KCNQ3: variants seen among roughly 807,000 people sequenced by gnomAD.
KCNQ3 encodes the protein potassium voltage-gated channel subfamily Q member 3, also known as potassium voltage-gated channel subfamily KQT member 3.
Under a neutral mutation model 92.5 loss-of-function variants are expected in KCNQ3, and 30 were observed. That is an observed-to-expected ratio of 0.32 (90% CI 0.24 to 0.44). The LOEUF is 0.44. Among genes scored for constraint, KCNQ3 ranks in the 20% least tolerant of loss-of-function variants. KCNQ3 has a pLI of 1.00. For missense variants in KCNQ3, 913 were observed against 1,140.3 expected, an observed-to-expected ratio of 0.80 and a Z score of 2.87; for synonymous variants, 450 against 468.8, an observed-to-expected ratio of 0.96 and a Z score of 0.52.
At position 132,413,420 on chromosome 8, in the gene KCNQ3, C is replaced by T. The variant is rs758456016; in HGVS notation, c.386+66727G>A. 3.4e-4 allele frequency among the ~76,000 whole-genome samples: 51 copies of T among 152,212 alleles called. 1 individual carries two copies. The highest frequency in any genetic ancestry group is 2.6e-4 in the Non-Finnish European group (18 of 68,032). On this transcript the variant is annotated intron_variant, in intron 1 of 14. Coordinates refer to ENST00000388996, the MANE Select transcript of KCNQ3 (RefSeq NM_004519.4). The stretch of plus-strand genomic sequence containing the variant: ...GGAAGCCTTCCCTGACTGCCTCAGG[C>T]TGGGTTAAGTCGCCTTTCAGTCAGC...
At chr8:132,465,484 T>C (rs1391223558) in intron 1 of KCNQ3, among the ~76,000 whole-genome samples, 1 of 149,880 alleles carries the variant, frequency 6.7e-6, no homozygotes, top group Non-Finnish European at 1.5e-5. Flanking sequence ...CCCAGCACTT[T>C]CGGAGGCGGA....
At chr8:132,331,568 C>T (rs984248674) in intron 1 of KCNQ3, among the ~76,000 whole-genome samples, 1 of 152,136 alleles carries the variant, frequency 6.6e-6, no homozygotes, top group African/African-American at 2.4e-5. Context: ...CTCCCTGTCC[C>T]CTCCCCTCTT....
Position 132,275,318 on chromosome 8 carries a change from T to C in KCNQ3, c.387-89137A>G, listed in dbSNP as rs557886511. ...ACACATTATAAATGTGAATGAATAA[T>C]TGCTATTATTTAAAGATTATTTACA... On this transcript the variant is annotated intron_variant, in intron 1 of 14. Coordinates refer to ENST00000388996, the MANE Select transcript of KCNQ3 (RefSeq NM_004519.4). 7.2e-5 allele frequency among the ~76,000 whole-genome samples: 11 copies of C among 152,316 alleles called. No individual in the cohort carries two copies. In the East Asian group the frequency reaches 9.7e-4, roughly 13 times the overall value.
intron 1 of KCNQ3, among the ~76,000 whole-genome samples, chr8:132,191,215 T>C (rs1305040094): frequency 6.6e-6 from 1 of 152,164 alleles, no homozygotes; most frequent in Non-Finnish European, 1.5e-5. Flanking sequence ...GGCGTGATCA[T>C]AGCTCATTGT....
chr8:132,197,623 C>T (rs774990217), intron 1 of KCNQ3, among the ~76,000 whole-genome samples: 2 of 151,656 alleles, frequency 1.3e-5, no homozygotes, highest in Non-Finnish European at 2.9e-5. Flanking sequence ...CTTTCTTCTC[C>T]AGGACAAACC....
At chr8:132,235,598 G>T (rs1020033544) in intron 1 of KCNQ3, among the ~76,000 whole-genome samples, 1 of 152,168 alleles carries the variant, frequency 6.6e-6, no homozygotes, top group Non-Finnish European at 1.5e-5. Flanking sequence ...AGACATTACA[G>T]AATTAATCCA....
chr8:132,420,747 C>A (rs1275316412), intron 1 of KCNQ3, among the ~76,000 whole-genome samples: 2 of 152,136 alleles, frequency 1.3e-5, no homozygotes, highest in Admixed American at 6.5e-5. Flanking sequence ...GTTGCAAAAG[C>A]AACATGTTTC....
chr8:132,397,969 A>T (rs1376018397), intron 1 of KCNQ3, among the ~76,000 whole-genome samples: 2 of 152,220 alleles, frequency 1.3e-5, no homozygotes, highest in African/African-American at 4.8e-5. Flanking sequence ...AATTTATAAA[A>T]TATTAACTCC....
chr8:132,233,432 T>C (rs1814704133), intron 1 of KCNQ3, among the ~76,000 whole-genome samples: 1 of 152,236 alleles, frequency 6.6e-6, no homozygotes, highest in South Asian at 2.1e-4. Flanking sequence ...ACCTAATAGT[T>C]GCCACCTTAA....
chr8:132,197,692 G>C (rs184668117), intron 1 of KCNQ3, among the ~76,000 whole-genome samples: 10 of 152,294 alleles, frequency 6.6e-5, no homozygotes, highest in Non-Finnish European at 1.2e-4. Context: ...TTTTTCATTT[G>C]TGGCGTGTAT....
intron 1 of KCNQ3, among the ~76,000 whole-genome samples, chr8:132,469,251 G>A (rs1269245788): frequency 6.6e-6 from 1 of 152,208 alleles, no homozygotes; most frequent in East Asian, 1.9e-4. Context: ...CAGAAATGTG[G>A]CAAATCTGTG....
intron 1 of KCNQ3, among the ~76,000 whole-genome samples, chr8:132,475,350 C>G (rs1411488783): frequency 6.6e-6 from 1 of 152,134 alleles, no homozygotes; most frequent in African/African-American, 2.4e-5. Flanking sequence ...AGAAGAAGAT[C>G]AGAAATTGTG....
chr8:132,176,164 C>T (rs1826545323), intron 4 of KCNQ3, among the ~76,000 whole-genome samples: 1 of 152,190 alleles, frequency 6.6e-6, no homozygotes, highest in African/African-American at 2.4e-5. Context: ...TGGTGAAATG[C>T]AGCTTTACAT....
chr8:132,446,560 C>T (rs1365868827), intron 1 of KCNQ3, among the ~76,000 whole-genome samples: 2 of 152,084 alleles, frequency 1.3e-5, no homozygotes, highest in Non-Finnish European at 2.9e-5. Context: ...TCTAGAGCTC[C>T]GGGATACAAT....
intron 1 of KCNQ3, among the ~76,000 whole-genome samples, chr8:132,423,979 C>A (rs1047019852): frequency 5.9e-5 from 9 of 151,988 alleles, no homozygotes; most frequent in African/African-American, 1.9e-4. Flanking sequence ...TAAAAAAAAA[C>A]AAAAGCTGCA....
chr8:132,441,462 G>C (rs1227411128), intron 1 of KCNQ3, among the ~76,000 whole-genome samples: 1 of 152,182 alleles, frequency 6.6e-6, no homozygotes, highest in African/African-American at 2.4e-5. Context: ...GCTGAGGCAG[G>C]AGAATGGCGT....
chr8:132,300,834 A>G (rs962673838), intron 1 of KCNQ3, among the ~76,000 whole-genome samples: 4 of 152,156 alleles, frequency 2.6e-5, no homozygotes, highest in African/African-American at 9.7e-5. Context: ...TCTGTAGAGT[A>G]TCAGTACCAC....
chr8:132,197,651 T>TG (rs11465122), intron 1 of KCNQ3, among the ~76,000 whole-genome samples: 17,902 of 152,220 alleles, frequency 0.12, 1,982 homozygotes, highest in African/African-American at 0.29. Context: ...TGATATATCC[T>TG]GGATGCTAAG....
At chr8:132,285,892 G>A (rs1221872756) in intron 1 of KCNQ3, among the ~76,000 whole-genome samples, 5 of 152,124 alleles carry the variant, frequency 3.3e-5, no homozygotes, top group Admixed American at 2.6e-4. Context: ...TTCCAGCACT[G>A]GGCCCCTTGG....
Sources: allele counts gnomAD v4.1 joint callset (sites outside exome capture counted in the v4.1 genomes callset), GRCh38; gene constraint gnomAD v4.1.1; transcripts MANE v1.5; gene names NCBI Gene and HGNC (gene_info 2026-07-23, HGNC 2026-07-21).